PXK: variants seen among roughly 807,000 people sequenced by gnomAD.
PXK encodes the protein PX domain containing serine/threonine kinase like.
A neutral mutation model predicts 84.7 loss-of-function variants in PXK; 35 were observed. The ratio of observed to expected loss-of-function variants is 0.41; its 90% CI spans 0.32 to 0.55. The LOEUF (loss-of-function observed/expected upper bound fraction) is 0.55, where lower values mean the gene tolerates loss of function less well. Among genes scored for constraint, PXK ranks in the 20% least tolerant of loss-of-function variants. The probability of loss-of-function intolerance (pLI) is 0.21; values close to 1 mark genes in which losing one functional copy is unlikely to be tolerated. For synonymous variants in PXK, 253 were observed against 260.8 expected, an observed-to-expected ratio of 0.97 and a Z score of 0.29; for missense variants, 634 against 699.7, an observed-to-expected ratio of 0.91 and a Z score of 1.06.
chr3:58,421,534 C>T lies in PXK; in HGVS notation c.1529-3218C>T, dbSNP rs768994796. ...GGCGGAGCTTGCAGTGAGCCGAGAT[C>T]GCGCCACTGCACTCCAGCCTGGGCA... On this transcript the variant is annotated intron_variant, in intron 17 of 17. Transcript: ENST00000356151. The surrounding 1 kb of genome is among the most constrained non-coding windows in gnomAD (Gnocchi z 5.5). 1.9e-4 allele frequency: 178 copies of T among 935,424 alleles called. 1 individual carries two copies. Among genetic ancestry groups the T allele is most frequent in the African/African-American group, 5.0e-4 (28 of 56,002 alleles). The allele number at this position is 935,424 out of a possible 1,614,324, so 57.9% of individuals were successfully genotyped here.
chr3:58,422,519 C>T lies in PXK; in HGVS notation c.1529-2233C>T, dbSNP rs1293494681. On this transcript the variant is annotated intron_variant, in intron 17 of 17. Transcript: ENST00000356151. ...ACAGTGTATTTATTGACACCACCTACATTTTCAAAGAGACTCATTTAAAGT... is the reference window on the plus strand; with the variant it reads ...ACAGTGTATTTATTGACACCACCTATATTTTCAAAGAGACTCATTTAAAGT... The T allele has an allele frequency of 2.1e-5, 21 of 985,300 alleles. No homozygotes were observed. The South Asian group carries it at 7.0e-4, about 33-fold the overall frequency. The allele number at this position is 985,300 out of a possible 1,614,324, so 61.0% of individuals were successfully genotyped here.
At chr3:58,348,434 A>G (rs2097859282) in intron 1 of PXK, among the ~76,000 whole-genome samples, 1 of 152,176 alleles carries the variant, frequency 6.6e-6, no homozygotes, top group South Asian at 2.1e-4. Flanking sequence ...TTAATTCACT[A>G]CATACGACAG....
intron 1 of PXK, among the ~76,000 whole-genome samples, chr3:58,361,321 G>GAAAAA (rs2098182969): frequency 7.2e-6 from 1 of 139,120 alleles, no homozygotes; most frequent in African/African-American, 2.7e-5. Flanking sequence ...AAAAAAAAAT[G>GAAAAA]CAGAGAGATC....
rs1355584910 is a variant in PXK at position 58,383,741 on chromosome 3, C to T, written c.388+1041C>T. 1.3e-5 allele frequency among the ~76,000 whole-genome samples: 2 copies of T among 152,124 alleles called. No homozygotes were observed. Among genetic ancestry groups the T allele is most frequent in the East Asian group, 1.9e-4 (1 of 5,192 alleles). Reference sequence around the variant, plus strand: ...AAGAACAGTAGAAACCATTGTTTCACCTGATTTGTTTAAAGAGAAACCATG... The same window carrying T: ...AAGAACAGTAGAAACCATTGTTTCATCTGATTTGTTTAAAGAGAAACCATG... On this transcript the variant is annotated intron_variant, in intron 4 of 17. Transcript: ENST00000356151. The surrounding 1 kb of genome is among the most constrained non-coding windows in gnomAD (Gnocchi z 4.0).
In PXK at chr3:58,412,953, C is replaced by T. The variant is rs1270213155; in HGVS notation, c.1518C>T (p.Pro506=). The stretch of plus-strand genomic sequence containing the variant: ...CGTCCCCGTCATCGCCAACTCCACC[C>T]TCTACATCAGGTTAGTGATGGAGTA... The part of the protein sequence containing the change: ...PLTSPSSPTP[P]STSGISALPP... The change falls in exon 17 of 18, where the codon CCC becomes CCT. Residue 506 remains proline (P), a synonymous_variant. Coordinates refer to ENST00000356151, the MANE Select transcript of PXK (RefSeq NM_017771.5). This position sits in a 1 kb window ranked among gnomAD's most constrained non-coding sequence, Gnocchi z 6.2. The T allele has an allele frequency of 6.2e-7, 1 of 1,614,046 alleles. No homozygotes were observed. Among genetic ancestry groups the T allele is most frequent in the Non-Finnish European group, 8.5e-7 (1 of 1,180,020 alleles).
intron 1 of PXK, among the ~76,000 whole-genome samples, chr3:58,347,310 T>A (rs1338250953): frequency 1.3e-5 from 2 of 152,190 alleles, no homozygotes; most frequent in African/African-American, 4.8e-5. Context: ...AGTATACAAT[T>A]TGATAAATCT....
chr3:58,348,337 A>C (rs920754205), intron 1 of PXK, among the ~76,000 whole-genome samples: 1 of 152,192 alleles, frequency 6.6e-6, no homozygotes, highest in African/African-American at 2.4e-5. Context: ...AGGACAAGCT[A>C]GTGGTCTCCT....
In PXK at chr3:58,397,254, C is replaced by T; in HGVS notation, c.984+54C>T. 1 of 1,562,170 alleles carries T rather than the reference C, an allele frequency of 6.4e-7. No homozygotes were observed. Among genetic ancestry groups the T allele is most frequent in the Non-Finnish European group, 8.8e-7 (1 of 1,137,486 alleles). On this transcript the variant is annotated intron_variant, in intron 10 of 17. Transcript: ENST00000356151. This position sits in a 1 kb window ranked among gnomAD's most constrained non-coding sequence, Gnocchi z 4.7. Reference sequence around the variant, plus strand: ...GTTCATTTTTAGGTGTCAGTTATCCCCATGATCTGCCCATGTAGGAAATAT... The same window carrying T: ...GTTCATTTTTAGGTGTCAGTTATCCTCATGATCTGCCCATGTAGGAAATAT...
At chr3:58,363,932 A>AT (rs1397951896) in intron 1 of PXK, among the ~76,000 whole-genome samples, 1 of 152,040 alleles carries the variant, frequency 6.6e-6, no homozygotes, top group African/African-American at 2.4e-5. Context: ...TTTTTCTAAA[A>AT]TTTTTTATCA....
chr3:58,425,927 CAT>C lies in PXK; in HGVS notation c.*968_*969del, dbSNP rs1304104667. 6.6e-6 allele frequency: 1 copy of C among 152,206 alleles called. No homozygotes were observed. The highest frequency in any genetic ancestry group is 1.5e-5 in the Non-Finnish European group (1 of 68,030). The allele number at this position is 152,206 out of a possible 1,614,324, so 9.4% of individuals were successfully genotyped here. A position where few individuals can be genotyped will look rare whatever the true frequency, so the allele number is the denominator to read the frequency against. ...ATCCATTTAAAAATTCAAGTACACA[CAT>C]CAGTGTTGGTTACTATGCAGAGAAT... On this transcript the variant is annotated 3_prime_UTR_variant, in exon 18 of 18. Coordinates refer to ENST00000356151, the MANE Select transcript of PXK (RefSeq NM_017771.5).
chr3:58,369,824 CAA>C (rs751574356), intron 3 of PXK, among the ~76,000 whole-genome samples: 7 of 64,716 alleles, frequency 1.1e-4, no homozygotes, highest in Admixed American at 1.8e-4. Flanking sequence ...AACTCTGTCT[CAA>C]AAAAAAAAAA....
intron 1 of PXK, among the ~76,000 whole-genome samples, chr3:58,344,015 G>A (rs73835185): frequency 0.076 from 11,478 of 151,984 alleles, 1,008 homozygotes; most frequent in African/African-American, 0.21. Flanking sequence ...CCCTCCCCCA[G>A]TCACACACAG....
At chr3:58,388,817 A>G (rs985630897) in intron 4 of PXK, among the ~76,000 whole-genome samples, 3 of 152,188 alleles carry the variant, frequency 2.0e-5, no homozygotes, top group Non-Finnish European at 2.9e-5. Flanking sequence ...TTGTTTGCCA[A>G]GCTCTTGACA....
At chr3:58,405,718 C>T (rs1253040189) in intron 13 of PXK, among the ~76,000 whole-genome samples, 1 of 148,838 alleles carries the variant, frequency 6.7e-6, no homozygotes, top group Admixed American at 6.7e-5. Context: ...GCAGAGGTTG[C>T]AGTGAGCTGA....
At chr3:58,358,685 A>C (rs1559914780) in intron 1 of PXK, among the ~76,000 whole-genome samples, 1 of 152,114 alleles carries the variant, frequency 6.6e-6, no homozygotes, top group Admixed American at 6.5e-5. Flanking sequence ...GCCACTACCT[A>C]TTAGGTAGCA....
Position 58,397,064 on chromosome 3 carries a change from G to C in PXK, c.848G>C (p.Gly283Ala). 6.2e-7 allele frequency: 1 copy of C among 1,614,120 alleles called. No individual in the cohort carries two copies. The highest frequency in any genetic ancestry group is 8.5e-7 in the Non-Finnish European group (1 of 1,179,992). Residue 283 changes from glycine to alanine, a missense_variant, in exon 10 of 18, where the codon GGA (glycine) becomes GCA (alanine). Transcript: ENST00000356151. The surrounding 1 kb of genome is among the most constrained non-coding windows in gnomAD (Gnocchi z 4.7). ...GTACTGAAGTTTCTTCATGACAAGGGATTCCCTTATGGGCATCTTCACGCC... is the reference window on the plus strand; with the variant it reads ...GTACTGAAGTTTCTTCATGACAAGGCATTCCCTTATGGGCATCTTCACGCC... ...LEVLKFLHDK[G>A]FPYGHLHASN... is the part of the protein sequence containing the mutation.
intron 17 of PXK, chr3:58,420,791 A>C: frequency 1.5e-6 from 2 of 1,363,510 alleles, no homozygotes; most frequent in Non-Finnish European, 1.9e-6. Flanking sequence ...CAAAATCTTC[A>C]TTTTCACTCT....
In PXK at chr3:58,399,187, T is replaced by C. The variant is rs2058186041; in HGVS notation, c.1103-112T>C. The C allele has an allele frequency of 1.1e-6, 1 of 897,246 alleles. No individual in the cohort carries two copies. Among genetic ancestry groups the C allele is most frequent in the South Asian group, 1.4e-5 (1 of 70,524 alleles). The allele number at this position is 897,246 out of a possible 1,614,324, so 55.6% of individuals were successfully genotyped here. On this transcript the variant is annotated intron_variant, in intron 11 of 17. Transcript: ENST00000356151. The surrounding 1 kb of genome is among the most constrained non-coding windows in gnomAD (Gnocchi z 4.3). ...GTCTGTGTGTGAAGATTTTTGACACTGTCCTGATCAGCCCGCAGACAGTTA... is the reference window on the plus strand; with the variant it reads ...GTCTGTGTGTGAAGATTTTTGACACCGTCCTGATCAGCCCGCAGACAGTTA...
intron 1 of PXK, among the ~76,000 whole-genome samples, chr3:58,355,684 G>C (rs2098061305): frequency 6.6e-6 from 1 of 152,212 alleles, no homozygotes. Flanking sequence ...CACGGCCAGT[G>C]TTGGGAGCAT....
Sources: gnomAD v4.1 joint callset for allele counts (sites outside exome capture counted in the v4.1 genomes callset) on GRCh38, gnomAD v4.1.1 for gene constraint, Gnocchi (gnomAD v3.1) non-coding constraint, MANE v1.5 for transcripts, NCBI Gene and HGNC (gene_info 2026-07-23, HGNC 2026-07-21) for gene names.